RBFOX1: variants seen among roughly 807,000 people sequenced by gnomAD.
RBFOX1 encodes RNA binding fox-1 homolog 1.
Under a neutral mutation model 57.7 loss-of-function variants are expected in RBFOX1, and 8 were observed. That is an observed-to-expected ratio of 0.14 (90% CI 0.08 to 0.25). The LOEUF is 0.25. RBFOX1 is among the 10% of genes least tolerant of loss of function. The pLI, the probability that RBFOX1 is intolerant of heterozygous loss-of-function variation, is 1.00. For synonymous variants in RBFOX1, 326 were observed against 222.4 expected (o/e 1.47, Z -4.15); for missense variants, 611 against 548.5 (o/e 1.11, Z -1.14).
At chr16:6,701,038 G>C (rs182015999) in intron 3 of RBFOX1, among the ~76,000 whole-genome samples, 12 of 152,094 alleles carry the variant, frequency 7.9e-5, no homozygotes, top group Admixed American at 5.2e-4. Flanking sequence ...TGGGCAGAGG[G>C]GGGGGTGAGT....
At chr16:5,384,085 A>G (rs2066198016) in intron 1 of RBFOX1, among the ~76,000 whole-genome samples, 1 of 152,212 alleles carries the variant, frequency 6.6e-6, no homozygotes, top group African/African-American at 2.4e-5. Flanking sequence ...CTATGTGTCC[A>G]GGCCACTCCG....
intron 4 of RBFOX1, among the ~76,000 whole-genome samples, chr16:7,372,689 A>T (rs551548701): frequency 1.1e-3 from 167 of 152,182 alleles, no homozygotes; most frequent in African/African-American, 3.9e-3. Flanking sequence ...ATAATAAATT[A>T]GGATTATTAT....
intron 1 of RBFOX1, among the ~76,000 whole-genome samples, chr16:5,436,482 A>G (rs1448301204): frequency 6.6e-6 from 1 of 152,198 alleles, no homozygotes; most frequent in African/African-American, 2.4e-5. Flanking sequence ...TCTTGCAGAG[A>G]TAAGGGAATC....
At chr16:6,017,806 G>A (rs1007114693), upstream of RBFOX1, among the ~76,000 whole-genome samples, 1 of 152,214 alleles carries the variant, frequency 6.6e-6, no homozygotes, top group Non-Finnish European at 1.5e-5. Flanking sequence ...TGGGCGCTAG[G>A]AAATACACGT....
chr16:6,710,438 C>A (rs1490961586), intron 3 of RBFOX1, among the ~76,000 whole-genome samples: 1 of 151,830 alleles, frequency 6.6e-6, no homozygotes, highest in Non-Finnish European at 1.5e-5. Context: ...TTCTTTTTTT[C>A]ATCCTAATTT....
At chr16:6,647,565 G>A (rs913732122) in intron 2 of RBFOX1, among the ~76,000 whole-genome samples, 1 of 152,078 alleles carries the variant, frequency 6.6e-6, no homozygotes, top group South Asian at 2.1e-4. Flanking sequence ...GTCATTCTTA[G>A]GACCTCATTT....
chr16:5,703,299 C>G (rs1365750501), intron 3 of RBFOX1, among the ~76,000 whole-genome samples: 2 of 152,104 alleles, frequency 1.3e-5, no homozygotes, highest in African/African-American at 2.4e-5. Context: ...ATATTTGAAC[C>G]AAGGCTTTTT....
intron 1 of RBFOX1, among the ~76,000 whole-genome samples, chr16:6,070,103 G>C (rs1209548578): frequency 3.9e-5 from 6 of 152,098 alleles, no homozygotes; most frequent in African/African-American, 1.4e-4. Context: ...TATTGTTTTA[G>C]AAAACTATAC....
At chr16:7,690,317 A>C (rs897200817) in intron 14 of RBFOX1, among the ~76,000 whole-genome samples, 1 of 152,134 alleles carries the variant, frequency 6.6e-6, no homozygotes, top group Non-Finnish European at 1.5e-5. Context: ...TTAGCACATT[A>C]GAATCACTTG....
intron 2 of RBFOX1, among the ~76,000 whole-genome samples, chr16:6,560,997 A>G (rs2097172588): frequency 6.6e-6 from 1 of 152,214 alleles, no homozygotes; most frequent in Non-Finnish European, 1.5e-5. Flanking sequence ...GTATCCATCC[A>G]CTTAAAGACA....
At chr16:5,952,208 C>T (rs987304424) in intron 4 of RBFOX1, among the ~76,000 whole-genome samples, 4 of 151,118 alleles carry the variant, frequency 2.6e-5, no homozygotes, top group African/African-American at 9.7e-5. Flanking sequence ...TGGAGTGCAG[C>T]AGTGTGACCT....
intron 4 of RBFOX1, among the ~76,000 whole-genome samples, chr16:7,251,579 C>G (rs1360333053): frequency 2.0e-5 from 3 of 151,886 alleles, no homozygotes. Context: ...GCCATCAAGC[C>G]CAGCTAATTT....
intron 3 of RBFOX1, among the ~76,000 whole-genome samples, chr16:6,792,562 C>G (rs993295602): frequency 6.6e-6 from 1 of 152,180 alleles, no homozygotes; most frequent in Non-Finnish European, 1.5e-5. Context: ...CCCATGTACA[C>G]TCAACGCCAT....
At chr16:5,457,196 A>C (rs1288460979) in intron 1 of RBFOX1, among the ~76,000 whole-genome samples, 1 of 152,084 alleles carries the variant, frequency 6.6e-6, no homozygotes, top group East Asian at 1.9e-4. Context: ...GAGTGCAGTG[A>C]CATGATCTTG....
intron 1 of RBFOX1, among the ~76,000 whole-genome samples, chr16:5,433,476 T>C (rs2067815814): frequency 1.3e-5 from 2 of 152,208 alleles, no homozygotes; most frequent in South Asian, 2.1e-4. Flanking sequence ...AATAGGATTA[T>C]AGCTCCTGAT....
chr16:5,554,079 C>T (rs1397811488), intron 2 of RBFOX1, among the ~76,000 whole-genome samples: 2 of 151,554 alleles, frequency 1.3e-5, no homozygotes, highest in African/African-American at 2.4e-5. Context: ...AAGTGATTCT[C>T]CTGCCTTAAT....
intron 1 of RBFOX1, among the ~76,000 whole-genome samples, chr16:6,085,494 C>A (rs964530710): frequency 6.6e-6 from 1 of 152,196 alleles, no homozygotes; most frequent in Non-Finnish European, 1.5e-5. Flanking sequence ...TGGTCTCGAA[C>A]TCCCGACTTC....
At chr16:6,018,689 C>T (rs924562567), upstream of RBFOX1, among the ~76,000 whole-genome samples, 1 of 152,166 alleles carries the variant, frequency 6.6e-6, no homozygotes. Flanking sequence ...CAGAAAACTT[C>T]CTCAGAGAAG....
At chr16:6,794,313 A>G (rs1391488501) in intron 3 of RBFOX1, among the ~76,000 whole-genome samples, 2 of 133,190 alleles carry the variant, frequency 1.5e-5, no homozygotes, top group Non-Finnish European at 3.1e-5. Flanking sequence ...CAATGAAGGC[A>G]TTCCAATCGG....
Sources: gnomAD v4.1 joint callset for allele counts (sites outside exome capture counted in the v4.1 genomes callset) on GRCh38, gnomAD v4.1.1 for gene constraint, MANE v1.5 for transcripts, NCBI Gene and HGNC (gene_info 2026-07-23, HGNC 2026-07-21) for gene names.